Variants in ARHGEF16 observed in about 807,000 individuals in gnomAD.
ARHGEF16 encodes the protein Rho guanine nucleotide exchange factor 16.
Under a neutral mutation model 74.1 loss-of-function variants are expected in ARHGEF16, and 59 were observed. That is an observed-to-expected ratio of 0.80 (90% CI 0.65 to 0.99). The LOEUF is 0.99. Ranked by LOEUF, ARHGEF16 falls within the 50% of genes least tolerant of loss-of-function variation. The pLI is 0.00. For synonymous variants in ARHGEF16, 415 were observed against 412.6 expected (o/e 1.01, Z -0.07); for missense variants, 948 against 986.6 (o/e 0.96, Z 0.52).
At chr1:3,477,812 A>C (rs1569879216) in intron 10 of ARHGEF16, 63 bp from the exon 11 acceptor site, 28 of 1,535,208 alleles carry the variant, frequency 1.8e-5, no homozygotes, top group Non-Finnish European at 2.3e-5. Flanking sequence ...GGACCTGCTC[A>C]CCCCGGCTCT....
Position 3,479,553 on chromosome 1 carries a change from CAGTG to C in ARHGEF16, c.1854_1857del (p.Ser618ArgfsTer199), listed in dbSNP as rs1639997321. 1.2e-6 allele frequency: 2 copies of C among 1,612,596 alleles called. No individual in the cohort carries two copies. The highest frequency in any genetic ancestry group is 1.7e-6 in the Non-Finnish European group (2 of 1,179,888). On this transcript the variant is annotated frameshift_variant, in exon 13 of 15. Transcript: ENST00000378378. LOFTEE classifies it high-confidence loss of function. Reference sequence around the variant, plus strand: ...CACGGTGGATCGTGGCGCTCACACACAGTGAGAGACAGTGGCAGGGCCTCTCCAG... The same window carrying C: ...CACGGTGGATCGTGGCGCTCACACACAGAGACAGTGGCAGGGCCTCTCCAG...
At chr1:3,455,031 C>T (rs994781817) in intron 1 of ARHGEF16, among the ~76,000 whole-genome samples, 1 of 151,964 alleles carries the variant, frequency 6.6e-6, no homozygotes, top group Admixed American at 6.5e-5. Context: ...CCGGATGCGA[C>T]TTTGGACCCG....
chr1:3,458,069 G>A (rs1392465314), intron 1 of ARHGEF16, among the ~76,000 whole-genome samples: 2 of 152,234 alleles, frequency 1.3e-5, no homozygotes, highest in Non-Finnish European at 1.5e-5. Context: ...GAACACCAGG[G>A]CCTCTCTGGG....
intron 6 of ARHGEF16, 77 bp downstream of exon 6, chr1:3,469,670 T>C: frequency 6.4e-7 from 1 of 1,567,898 alleles, no homozygotes; most frequent in Non-Finnish European, 8.7e-7. Context: ...CGCACTGTCA[T>C]CAGCAGGCCC....
rs1217047755 is a variant in ARHGEF16 at position 3,481,102 on chromosome 1, A to G, written c.*515A>G. 1 of 153,368 alleles carries G rather than the reference A, an allele frequency of 6.5e-6. No individual in the cohort carries two copies. The highest frequency in any genetic ancestry group is 2.4e-5 in the African/African-American group (1 of 41,464). 9.5% of individuals were successfully genotyped at this position (153,368 alleles called of 1,614,324 possible). On this transcript the variant is annotated 3_prime_UTR_variant, in exon 15 of 15. Transcript: ENST00000378378. The stretch of plus-strand genomic sequence containing the variant: ...TGAGGTTTCTAAATACATTAAAGTT[A>G]TTTCTTAAGAACCTGGATTTTCACA...
Position 3,473,096 on chromosome 1 carries a change from G to A in ARHGEF16, c.1041G>A (p.Glu347=). Residue 347 remains glutamate (E), a synonymous_variant, in exon 7 of 15, where the codon GAG becomes GAA. Coordinates refer to ENST00000378378, the MANE Select transcript of ARHGEF16 (RefSeq NM_014448.4). ...GASQRFFEDL[E]QRHKAQVLVE... ...CCTTCAGGTTCTTCGAGGACCTGGA[G>A]CAGCGGCACAAGGCCCAGGTGCTGG... 2 of 1,613,152 alleles carry A rather than the reference G, an allele frequency of 1.2e-6. No individual in the cohort carries two copies. The highest frequency in any genetic ancestry group is 1.7e-6 in the Non-Finnish European group (2 of 1,179,846).
intron 12 of ARHGEF16, among the ~76,000 whole-genome samples, 175 bp from the exon 13 acceptor site, chr1:3,479,342 G>A (rs2100762991): frequency 6.6e-6 from 1 of 152,268 alleles, no homozygotes; most frequent in South Asian, 2.1e-4. Flanking sequence ...TGTGACCTGG[G>A]GCTGGGGTGA....
chr1:3,474,479 C>G (rs1639826895), intron 8 of ARHGEF16: 1 of 516,932 alleles, frequency 1.9e-6, no homozygotes, highest in South Asian at 2.7e-5. Flanking sequence ...GGGAAGGGTT[C>G]CAGGCAGGGG....
intron 14 of ARHGEF16, 101 bp from the exon 15 acceptor site, chr1:3,480,347 A>G (rs1640021190): frequency 6.6e-7 from 1 of 1,514,388 alleles, no homozygotes; most frequent in Admixed American, 1.8e-5. Flanking sequence ...GGTCAGTTCT[A>G]GGAGAAGCCT....
intron 6 of ARHGEF16, chr1:3,472,694 T>G: frequency 5.8e-6 from 1 of 171,456 alleles, no homozygotes; most frequent in Non-Finnish European, 1.2e-5. Flanking sequence ...CCCAGTCGTT[T>G]TAGCTGGAAG....
At chr1:3,479,616 G>T in intron 13 of ARHGEF16, 26 bp downstream of exon 13, 31 of 1,605,768 alleles carry the variant, frequency 1.9e-5, no homozygotes, top group Non-Finnish European at 2.5e-5. Context: ...GGCCTGCAGG[G>T]CTGGCCCTCT....
chr1:3,457,580 G>A (rs895356047), intron 1 of ARHGEF16, among the ~76,000 whole-genome samples: 2 of 151,896 alleles, frequency 1.3e-5, no homozygotes, highest in African/African-American at 4.9e-5. Flanking sequence ...AGGATAAGGG[G>A]GCAGGAGGGC....
chr1:3,474,829 C>A (rs774455219), intron 9 of ARHGEF16, 47 bp downstream of exon 9: 3 of 1,576,550 alleles, frequency 1.9e-6, no homozygotes, highest in Non-Finnish European at 2.6e-6. Context: ...TGTACCCCGA[C>A]CCTGTCCCCA....
intron 10 of ARHGEF16, 81 bp from the exon 11 acceptor site, chr1:3,477,794 C>T (rs1298868406): frequency 7.3e-6 from 10 of 1,363,076 alleles, no homozygotes; most frequent in South Asian, 1.2e-5. Flanking sequence ...GCGTCCTTGA[C>T]CCCCTGGGGA....
intron 14 of ARHGEF16, 46 bp from the exon 15 acceptor site, chr1:3,480,402 C>G: frequency 6.2e-7 from 1 of 1,606,768 alleles, no homozygotes; most frequent in Non-Finnish European, 8.5e-7. Context: ...GGCCGGGGGA[C>G]CCACGGCCTT....
At chr1:3,459,226 C>T (rs1321091681) in intron 1 of ARHGEF16, among the ~76,000 whole-genome samples, 2 of 152,186 alleles carry the variant, frequency 1.3e-5, no homozygotes, top group Non-Finnish European at 1.5e-5. Context: ...ATCAGCAAGA[C>T]AGCCAGAGCT....
chr1:3,473,895 TC>T, intron 8 of ARHGEF16: 1 of 331,700 alleles, frequency 3.0e-6, no homozygotes, highest in South Asian at 3.0e-5. Flanking sequence ...GCACCTACTC[TC>T]CCTGTTCTGT....
chr1:3,474,263 T>G, intron 8 of ARHGEF16: 1 of 221,762 alleles, frequency 4.5e-6, no homozygotes, highest in Non-Finnish European at 9.1e-6. Context: ...TGCACAGGCA[T>G]ATTCACACAT....
At chr1:3,458,121 G>C (rs1432461780) in intron 1 of ARHGEF16, among the ~76,000 whole-genome samples, 4 of 152,222 alleles carry the variant, frequency 2.6e-5, no homozygotes, top group Non-Finnish European at 5.9e-5. Context: ...GGCAGAGCAC[G>C]TGCCGAGGCA....
Sources: gnomAD v4.1 joint callset for allele counts (sites outside exome capture counted in the v4.1 genomes callset) on GRCh38, gnomAD v4.1.1 for gene constraint, MANE v1.5 for transcripts, NCBI Gene and HGNC (gene_info 2026-07-23, HGNC 2026-07-21) for gene names.